Variants in EXT1 observed in about 807,000 individuals in gnomAD.
EXT1 encodes the protein exostosin-1.
EXT1 carries 20 observed loss-of-function variants against 82.5 expected under a neutral mutation model. The observed-to-expected ratio is 0.24, with a 90% CI of 0.17 to 0.35. The LOEUF is 0.35. Among genes scored for constraint, EXT1 ranks in the 10% least tolerant of loss-of-function variants. The pLI is 1.00. For missense variants in EXT1, 757 were observed against 936.5 expected, an observed-to-expected ratio of 0.81 and a Z score of 2.50; for synonymous variants, 348 against 350.8, an observed-to-expected ratio of 0.99 and a Z score of 0.09.
At chr8:117,925,389 T>A (rs1161394229) in intron 1 of EXT1, among the ~76,000 whole-genome samples, 1 of 151,634 alleles carries the variant, frequency 6.6e-6, no homozygotes, top group Non-Finnish European at 1.5e-5. Context: ...TTACGGTTAT[T>A]ACAGGAGGAA....
intron 1 of EXT1, among the ~76,000 whole-genome samples, chr8:118,035,151 G>A (rs993912862): frequency 7.2e-5 from 11 of 152,206 alleles, no homozygotes; most frequent in Middle Eastern, 3.4e-3. Flanking sequence ...TATCAAGCCC[G>A]GGCAAGTTAG....
intron 1 of EXT1, among the ~76,000 whole-genome samples, chr8:117,858,840 G>GAAAGAAAGAAA (rs1812626618): frequency 1.7e-5 from 1 of 58,328 alleles, no homozygotes; most frequent in East Asian, 3.4e-4. Context: ...AAGGAAGGAA[G>GAAAGAAAGAAA]GAAGGAAAGA....
intron 1 of EXT1, among the ~76,000 whole-genome samples, chr8:118,005,001 G>A (rs1377465198): frequency 6.6e-6 from 1 of 152,108 alleles, no homozygotes; most frequent in Non-Finnish European, 1.5e-5. Flanking sequence ...CCCTGATCCT[G>A]GAAAATGATG....
rs1360646325 is a variant in EXT1 at position 117,796,234 on chromosome 8, G to C, written c.*3478C>G. On this transcript the variant is annotated 3_prime_UTR_variant, in exon 11 of 11. Transcript: ENST00000378204. ...AGACACTTCCAGGTCTGGGAAGTTT[G>C]CTTGGCTTTTGCATCCATAATTCAG... 1 of 152,090 alleles carries C rather than the reference G, an allele frequency of 6.6e-6. No homozygotes were observed. Among genetic ancestry groups the C allele is most frequent in the Non-Finnish European group, 1.5e-5 (1 of 68,020 alleles). The allele number at this position is 152,090 out of a possible 1,614,324, so 9.4% of individuals were successfully genotyped here.
chr8:118,025,952 G>T (rs1816194381), intron 1 of EXT1, among the ~76,000 whole-genome samples: 1 of 152,158 alleles, frequency 6.6e-6, no homozygotes, highest in African/African-American at 2.4e-5. Context: ...CTGGCTGGAG[G>T]AGGGTTTGCA....
chr8:117,812,350 T>C (rs1000807662), intron 8 of EXT1, among the ~76,000 whole-genome samples: 1 of 152,160 alleles, frequency 6.6e-6, no homozygotes, highest in Non-Finnish European at 1.5e-5. Flanking sequence ...AATAGGAATC[T>C]CCATCACAAC....
chr8:117,889,005 C>T (rs1324977369), intron 1 of EXT1, among the ~76,000 whole-genome samples: 1 of 152,184 alleles, frequency 6.6e-6, no homozygotes, highest in East Asian at 1.9e-4. Context: ...GATGGTGGTT[C>T]ACCAGGAGCT....
chr8:117,820,836 C>T (rs17474455), intron 5 of EXT1, among the ~76,000 whole-genome samples: 85 of 152,292 alleles, frequency 5.6e-4, no homozygotes, highest in African/African-American at 2.0e-3. Context: ...CCTCCATATT[C>T]CCAGAATCTC....
chr8:117,990,504 G>A (rs1475940468), intron 1 of EXT1, among the ~76,000 whole-genome samples: 6 of 152,180 alleles, frequency 3.9e-5, no homozygotes, highest in African/African-American at 4.8e-5. Flanking sequence ...CTGAACCTAT[G>A]CCTTCCCTGA....
chr8:117,880,740 G>A (rs1490922771), intron 1 of EXT1, among the ~76,000 whole-genome samples: 5 of 151,776 alleles, frequency 3.3e-5, no homozygotes, highest in African/African-American at 7.3e-5. Context: ...ACAGGCGCCC[G>A]CCACCACGCC....
intron 1 of EXT1, among the ~76,000 whole-genome samples, chr8:117,930,284 G>A (rs1814032057): frequency 6.6e-6 from 1 of 152,118 alleles, no homozygotes; most frequent in African/African-American, 2.4e-5. Flanking sequence ...CAAATGAAAT[G>A]TGGGGAGCGG....
intron 1 of EXT1, among the ~76,000 whole-genome samples, chr8:118,031,408 C>T (rs1586353246): frequency 6.6e-6 from 1 of 151,864 alleles, no homozygotes; most frequent in East Asian, 1.9e-4. Context: ...ACCTGTAATC[C>T]CAGCCACTAG....
intron 1 of EXT1, among the ~76,000 whole-genome samples, chr8:117,980,360 C>G (rs952619052): frequency 6.6e-6 from 1 of 152,160 alleles, no homozygotes; most frequent in African/African-American, 2.4e-5. Flanking sequence ...TGCTCTAATC[C>G]ATACCCATCT....
intron 1 of EXT1, among the ~76,000 whole-genome samples, chr8:117,997,230 G>C (rs1815562359): frequency 6.9e-6 from 1 of 145,586 alleles, no homozygotes; most frequent in African/African-American, 2.6e-5. Context: ...TTCCCCGTAT[G>C]GTATAGTTGT....
chr8:117,809,209 G>GTATAAATAAATATATATATA (rs1471755255), intron 8 of EXT1, among the ~76,000 whole-genome samples: 5 of 86,026 alleles, frequency 5.8e-5, no homozygotes, highest in African/African-American at 1.6e-4. Context: ...ATATGTGTGT[G>GTATAAATAAATATATATATA]TGTGTATAAA....
intron 1 of EXT1, among the ~76,000 whole-genome samples, chr8:117,853,417 C>T (rs528281246): frequency 6.6e-6 from 1 of 152,248 alleles, no homozygotes; most frequent in Non-Finnish European, 1.5e-5. Flanking sequence ...TGGTGGTGTG[C>T]ACCTGTAATT....
In EXT1 at chr8:117,830,349, T is replaced by C. The variant is rs1812078371; in HGVS notation, c.1165A>G (p.Ile389Val). The change falls in exon 4 of 11, where the codon ATT (isoleucine) becomes GTT (valine). Residue 389 changes from isoleucine to valine, a missense_variant and splice_region_variant. By Grantham distance (29) the Ile-to-Val change is conservative (BLOSUM62 3). Around this residue, in one of 4 missense-constraint regions of EXT1, gnomAD observed 247 missense variants for 330.1 expected, o/e 0.75. Transcript: ENST00000378204. The part of the protein sequence containing the change: ...VIGDERLLLQ[I>V]PSTIRSIHQD... Reference sequence around the variant, plus strand: ...TGAATAGACCTGATTGTAGAAGGAATCTGTAACACAAGGTGAACACATAGG... The same window carrying C: ...TGAATAGACCTGATTGTAGAAGGAACCTGTAACACAAGGTGAACACATAGG... 6.2e-7 allele frequency: 1 copy of C among 1,613,974 alleles called. No homozygotes were observed. Among genetic ancestry groups the C allele is most frequent in the East Asian group, 2.2e-5 (1 of 44,866 alleles).
At chr8:118,105,569 G>T (rs6993268) in intron 1 of EXT1, among the ~76,000 whole-genome samples, 80,408 of 152,012 alleles carry the variant, frequency 0.53, 23,178 homozygotes, top group Middle Eastern at 0.67. Flanking sequence ...AAAGAGGCGA[G>T]AAAGGAAGGA....
chr8:117,899,869 A>G (rs892839549), intron 1 of EXT1, among the ~76,000 whole-genome samples: 1 of 152,236 alleles, frequency 6.6e-6, no homozygotes, highest in South Asian at 2.1e-4. Context: ...ACTGGGCATC[A>G]AAATATCTTA....
Sources: allele counts gnomAD v4.1 joint callset (sites outside exome capture counted in the v4.1 genomes callset), GRCh38; gene constraint gnomAD v4.1.1; regional missense constraint gnomAD v4.1.1; transcripts MANE v1.5; gene names NCBI Gene and HGNC (gene_info 2026-07-23, HGNC 2026-07-21).